FBXL20: variants seen among roughly 807,000 people sequenced by gnomAD.
FBXL20 encodes F-box and leucine rich repeat protein 20.
Under a neutral mutation model 64.0 loss-of-function variants are expected in FBXL20, and 11 were observed. The observed-to-expected ratio is 0.17, with a 90% CI of 0.11 to 0.28. The LOEUF (loss-of-function observed/expected upper bound fraction) is 0.28. FBXL20 is among the 10% of genes least tolerant of loss of function. FBXL20 has a pLI of 1.00. For missense variants in FBXL20, 303 were observed against 526.2 expected, an observed-to-expected ratio of 0.58 and a Z score of 4.15; for synonymous variants, 184 against 189.0, an observed-to-expected ratio of 0.97 and a Z score of 0.22.
chr17:39,288,938 T>G (rs1054346006), intron 6 of FBXL20, among the ~76,000 whole-genome samples: 1 of 152,062 alleles, frequency 6.6e-6, no homozygotes, highest in Non-Finnish European at 1.5e-5. Context: ...CTCTTGACCT[T>G]GTGATCTGCC....
chr17:39,277,405 GTATGT>G (rs943062935), intron 9 of FBXL20, among the ~76,000 whole-genome samples: 3 of 152,164 alleles, frequency 2.0e-5, no homozygotes, highest in African/African-American at 4.8e-5. Context: ...CCTTTCCTTT[GTATGT>G]TATAAGAGAG....
rs113983585 is a variant in FBXL20 at position 39,400,313 on chromosome 17, C to G, written c.42+1048G>C. On this transcript the variant is annotated intron_variant, in intron 1 of 14. Coordinates refer to ENST00000264658, the MANE Select transcript of FBXL20 (RefSeq NM_032875.3). Reference sequence around the variant, plus strand: ...TCAAAGAATAGATTAAACTGACAACCCTTAAAAGTTTTCACACCCTGAACC... The same window carrying G: ...TCAAAGAATAGATTAAACTGACAACGCTTAAAAGTTTTCACACCCTGAACC... 2.6e-4 allele frequency among the ~76,000 whole-genome samples: 39 copies of G among 152,226 alleles called. 1 individual carries two copies. The highest frequency in any genetic ancestry group is 3.4e-3 in the Middle Eastern group (1 of 294).
chr17:39,371,232 A>G (rs2047915509), intron 1 of FBXL20, among the ~76,000 whole-genome samples: 1 of 152,238 alleles, frequency 6.6e-6, no homozygotes, highest in East Asian at 1.9e-4. Flanking sequence ...TTTGTCATGC[A>G]TGACTTTATG....
chr17:39,393,609 T>C (rs1374095139), intron 1 of FBXL20, among the ~76,000 whole-genome samples: 1 of 152,216 alleles, frequency 6.6e-6, no homozygotes, highest in South Asian at 2.1e-4. Context: ...AAAAATGATA[T>C]ATAAATTCAT....
intron 2 of FBXL20, among the ~76,000 whole-genome samples, chr17:39,313,066 G>A (rs1022732996): frequency 6.9e-6 from 1 of 144,416 alleles, no homozygotes; most frequent in African/African-American, 2.6e-5. Flanking sequence ...TTACCGGCGC[G>A]CACCATCATG....
intron 2 of FBXL20, among the ~76,000 whole-genome samples, chr17:39,332,229 A>G (rs2047468122): frequency 6.6e-6 from 1 of 152,236 alleles, no homozygotes. Context: ...TCTGAAATGA[A>G]TATGAGATTG....
chr17:39,341,754 A>G lies in FBXL20; in HGVS notation c.104+1426T>C, dbSNP rs143360724. ...CTTGGTATCTTGTGCACCTGCCCTC[A>G]GCCTTGGAGAAAAAAACCACTGAGA... On this transcript the variant is annotated intron_variant, in intron 2 of 14. Transcript: ENST00000264658. Among the ~76,000 whole-genome samples, 904 of 152,294 alleles carry G rather than the reference A, an allele frequency of 5.9e-3. 3 individuals carry two copies. Among genetic ancestry groups the G allele is most frequent in the Admixed American group, 0.01 (156 of 15,292 alleles).
chr17:39,275,510 C>G (rs1006247304), intron 9 of FBXL20, among the ~76,000 whole-genome samples: 1 of 152,058 alleles, frequency 6.6e-6, no homozygotes, highest in Non-Finnish European at 1.5e-5. Flanking sequence ...CTCCCAGGTT[C>G]AAGCGATTCT....
chr17:39,376,958 T>C (rs1213532151), intron 1 of FBXL20, among the ~76,000 whole-genome samples: 1 of 152,168 alleles, frequency 6.6e-6, no homozygotes, highest in Non-Finnish European at 1.5e-5. Flanking sequence ...CCCTTGTTCA[T>C]TCCTGGGCTG....
chr17:39,281,150 C>G (rs927319912), intron 9 of FBXL20, among the ~76,000 whole-genome samples: 3 of 152,064 alleles, frequency 2.0e-5, no homozygotes, highest in Non-Finnish European at 2.9e-5. Flanking sequence ...AGGGGTGGAG[C>G]TACAGTTAGT....
At chr17:39,356,283 G>C (rs1005104391) in intron 1 of FBXL20, among the ~76,000 whole-genome samples, 9 of 151,524 alleles carry the variant, frequency 5.9e-5, no homozygotes, top group African/African-American at 2.2e-4. Context: ...TCCATTTTGA[G>C]TTAATTATCA....
intron 1 of FBXL20, among the ~76,000 whole-genome samples, chr17:39,388,024 T>C (rs1402872575): frequency 6.6e-6 from 1 of 152,214 alleles, no homozygotes; most frequent in Non-Finnish European, 1.5e-5. Flanking sequence ...GGTTAGAGGA[T>C]CAGCTAGATC....
At chr17:39,298,560 A>C (rs1400558153) in intron 5 of FBXL20, among the ~76,000 whole-genome samples, 1 of 152,112 alleles carries the variant, frequency 6.6e-6, no homozygotes, top group Non-Finnish European at 1.5e-5. Flanking sequence ...CTCTATAAAA[A>C]AATTTTAAAA....
intron 2 of FBXL20, among the ~76,000 whole-genome samples, chr17:39,307,728 T>C (rs1457398198): frequency 6.6e-6 from 1 of 151,902 alleles, no homozygotes; most frequent in Non-Finnish European, 1.5e-5. Flanking sequence ...CCCAGCACTT[T>C]GGGAGGCCGA....
intron 2 of FBXL20, among the ~76,000 whole-genome samples, chr17:39,319,527 A>AT (rs1268078239): frequency 2.0e-5 from 3 of 152,064 alleles, no homozygotes; most frequent in Non-Finnish European, 4.4e-5. Context: ...TCTACTAAAA[A>AT]TACAAAAATT....
chr17:39,315,870 A>AGAGC (rs1267884348), intron 2 of FBXL20, among the ~76,000 whole-genome samples: 70 of 139,394 alleles, frequency 5.0e-4, no homozygotes, highest in Admixed American at 8.6e-4. Flanking sequence ...AGAGAGAGAG[A>AGAGC]GCAACTGTAG....
intron 1 of FBXL20, among the ~76,000 whole-genome samples, chr17:39,397,197 T>C (rs1229652345): frequency 3.3e-5 from 5 of 152,162 alleles, no homozygotes; most frequent in African/African-American, 9.7e-5. Flanking sequence ...TGAGCCACCA[T>C]GCCCAGCCAG....
intron 12 of FBXL20, among the ~76,000 whole-genome samples, chr17:39,267,603 C>T (rs1169379773): frequency 2.0e-5 from 3 of 152,172 alleles, no homozygotes; most frequent in Non-Finnish European, 4.4e-5. Context: ...GGCAGCCAGG[C>T]ACTGCTGGAA....
chr17:39,370,513 G>A (rs1319296458), intron 1 of FBXL20, among the ~76,000 whole-genome samples: 5 of 150,384 alleles, frequency 3.3e-5, no homozygotes, highest in South Asian at 2.1e-4. Flanking sequence ...AAGGCCGGGC[G>A]CGGTGGCTCA....
Sources: allele counts gnomAD v4.1 joint callset (sites outside exome capture counted in the v4.1 genomes callset), GRCh38; gene constraint gnomAD v4.1.1; transcripts MANE v1.5; gene names NCBI Gene and HGNC (gene_info 2026-07-23, HGNC 2026-07-21).